EFCAB6: variants seen among roughly 807,000 people sequenced by gnomAD.
The protein encoded by EFCAB6 is EF-hand calcium-binding domain-containing protein 6.
EFCAB6 carries 156 observed loss-of-function variants against 169.8 expected under a neutral mutation model. The observed-to-expected ratio is 0.92, with a 90% CI of 0.81 to 1.05. The LOEUF (loss-of-function observed/expected upper bound fraction) is 1.05. EFCAB6 is among the 50% of genes least tolerant of loss of function. The pLI, the probability that EFCAB6 is intolerant of heterozygous loss-of-function variation, is 0.00. For synonymous variants in EFCAB6, 698 were observed against 676.4 expected, an observed-to-expected ratio of 1.03 and a Z score of -0.50; for missense variants, 1,800 against 1,829.1, an observed-to-expected ratio of 0.98 and a Z score of 0.29.
intron 26 of EFCAB6, among the ~76,000 whole-genome samples, chr22:43,558,970 C>A (rs2048868680): frequency 1.3e-5 from 2 of 152,110 alleles, no homozygotes; most frequent in Admixed American, 6.6e-5. Flanking sequence ...GACTCCATGA[C>A]TAAAACACCA....
intron 13 of EFCAB6, among the ~76,000 whole-genome samples, chr22:43,674,791 AAATGAGT>A (rs2057651145): frequency 6.6e-6 from 1 of 152,176 alleles, no homozygotes; most frequent in Non-Finnish European, 1.5e-5. Context: ...ACAGGTAAAG[AAATGAGT>A]CTTAGAGAGG....
At chr22:43,582,204 T>A (rs1449581637) in intron 24 of EFCAB6, among the ~76,000 whole-genome samples, 1 of 152,230 alleles carries the variant, frequency 6.6e-6, no homozygotes. Context: ...TATCTGCTAT[T>A]TTTCCATGAT....
At chr22:43,798,151 CAA>C (rs1273191899) in intron 2 of EFCAB6, among the ~76,000 whole-genome samples, 2 of 151,962 alleles carry the variant, frequency 1.3e-5, no homozygotes, top group Non-Finnish European at 2.9e-5. Context: ...TTCGGGAGGC[CAA>C]GACAGGTGAA....
chr22:43,591,811 C>T (rs1024913556), intron 23 of EFCAB6, among the ~76,000 whole-genome samples: 8 of 152,010 alleles, frequency 5.3e-5, no homozygotes, highest in Admixed American at 1.3e-4. Flanking sequence ...TCTCCTAACT[C>T]GAAAAAAATT....
At position 43,635,188 on chromosome 22, in the gene EFCAB6, T is replaced by C; in HGVS notation, c.2012A>G (p.Asp671Gly). 6.2e-7 allele frequency: 1 copy of C among 1,614,132 alleles called. No homozygotes were observed. The highest frequency in any genetic ancestry group is 8.5e-7 in the Non-Finnish European group (1 of 1,180,002). Residue 671 changes from aspartate (D) to glycine (G), a missense_variant, in exon 18 of 32, where the codon GAC becomes GGC. Physicochemically the swap from Asp to Gly is moderately conservative, Grantham distance 94 (BLOSUM62 -1). Transcript: ENST00000262726. ...GGTCAGCAGGGCATACTGATCATCG[T>C]CCATGGGCATCCCAGTGTCTTCCAG... The part of the protein sequence containing the change: ...KVLEDTGMPM[D>G]DDQYALLTTK...
At chr22:43,774,371 T>G (rs2061571338) in intron 3 of EFCAB6, among the ~76,000 whole-genome samples, 1 of 151,060 alleles carries the variant, frequency 6.6e-6, no homozygotes, top group Admixed American at 6.6e-5. Context: ...CACCCCACAG[T>G]GACGCTGCCA....
chr22:43,738,071 C>G (rs1427349521), intron 6 of EFCAB6, among the ~76,000 whole-genome samples: 1 of 148,270 alleles, frequency 6.7e-6, no homozygotes, highest in East Asian at 2.0e-4. Flanking sequence ...CAAATATATT[C>G]ACACACACAT....
intron 27 of EFCAB6, among the ~76,000 whole-genome samples, chr22:43,542,141 G>A (rs1014387954): frequency 2.6e-5 from 4 of 152,256 alleles, no homozygotes; most frequent in Non-Finnish European, 4.4e-5. Flanking sequence ...AGATCATGCC[G>A]TGAAGGATAA....
chr22:43,707,161 G>A (rs2058989060), intron 10 of EFCAB6, among the ~76,000 whole-genome samples: 1 of 152,168 alleles, frequency 6.6e-6, no homozygotes, highest in Non-Finnish European at 1.5e-5. Flanking sequence ...GAAGACTTGG[G>A]ATTGTGCAAG....
chr22:43,713,832 A>G (rs1408176143), intron 9 of EFCAB6, among the ~76,000 whole-genome samples: 2 of 152,228 alleles, frequency 1.3e-5, no homozygotes, highest in African/African-American at 4.8e-5. Flanking sequence ...ATATGAGTGA[A>G]TCTCATCTTG....
intron 25 of EFCAB6, among the ~76,000 whole-genome samples, chr22:43,578,453 T>C (rs1294295338): frequency 6.6e-6 from 1 of 152,076 alleles, no homozygotes; most frequent in African/African-American, 2.4e-5. Context: ...TCCCACAGGA[T>C]GATTCCGACG....
At chr22:43,747,836 C>T (rs1411211300) in intron 6 of EFCAB6, among the ~76,000 whole-genome samples, 1 of 152,200 alleles carries the variant, frequency 6.6e-6, no homozygotes, top group African/African-American at 2.4e-5. Flanking sequence ...CTTTCTCTTA[C>T]AAAGTCTTAG....
intron 10 of EFCAB6, among the ~76,000 whole-genome samples, chr22:43,706,812 G>A (rs1257281523): frequency 1.3e-5 from 2 of 152,152 alleles, no homozygotes; most frequent in Non-Finnish European, 2.9e-5. Flanking sequence ...ACTATAAAAG[G>A]CATTGCTAAC....
chr22:43,533,616 C>G (rs977693100), intron 30 of EFCAB6: 9 of 152,238 alleles, frequency 5.9e-5, no homozygotes, highest in Non-Finnish European at 1.3e-4. Context: ...TAGTAGAGGC[C>G]TTGTCTTTAC....
intron 5 of EFCAB6, 85 bp from the exon 6 acceptor site, chr22:43,755,917 G>C (rs1420027878): frequency 1.6e-6 from 2 of 1,240,786 alleles, no homozygotes; most frequent in East Asian, 5.4e-5. Context: ...AAATTACAAG[G>C]ATTTCCAAAT....
At chr22:43,544,747 C>T (rs1268376116) in intron 27 of EFCAB6, among the ~76,000 whole-genome samples, 8 of 152,100 alleles carry the variant, frequency 5.3e-5, no homozygotes, top group African/African-American at 1.9e-4. Context: ...TAAAACTTGC[C>T]TGTGTGGATC....
At chr22:43,681,404 G>A (rs1484363186) in intron 12 of EFCAB6, among the ~76,000 whole-genome samples, 2 of 152,130 alleles carry the variant, frequency 1.3e-5, no homozygotes, top group African/African-American at 4.8e-5. Context: ...AAAGGATATT[G>A]GCCTGTGGTT....
intron 3 of EFCAB6, 28 bp downstream of exon 3, chr22:43,782,152 G>C (rs1481204762): frequency 1.2e-6 from 2 of 1,601,896 alleles, no homozygotes; most frequent in South Asian, 2.2e-5. Flanking sequence ...TCTACAGTTA[G>C]TGTTCTTATT....
intron 5 of EFCAB6, among the ~76,000 whole-genome samples, chr22:43,763,259 G>A (rs1034204778): frequency 6.6e-6 from 1 of 151,740 alleles, no homozygotes; most frequent in African/African-American, 2.4e-5. Context: ...TGCTAGTCTC[G>A]AACTCCTGAC....
Sources: gnomAD v4.1 joint callset for allele counts (sites outside exome capture counted in the v4.1 genomes callset) on GRCh38, gnomAD v4.1.1 for gene constraint, MANE v1.5 for transcripts, NCBI Gene and HGNC (gene_info 2026-07-23, HGNC 2026-07-21) for gene names.